DLGAP2: variants seen among roughly 807,000 people sequenced by gnomAD.
DLGAP2 encodes DLG associated protein 2.
Under a neutral mutation model 100.3 loss-of-function variants are expected in DLGAP2, and 26 were observed. The ratio of observed to expected loss-of-function variants is 0.26; its 90% CI spans 0.19 to 0.36. The LOEUF (loss-of-function observed/expected upper bound fraction) is 0.36. Among genes scored for constraint, DLGAP2 ranks in the 10% least tolerant of loss-of-function variants. DLGAP2 has a pLI of 1.00. For synonymous variants in DLGAP2, 886 were observed against 630.1 expected, an observed-to-expected ratio of 1.41 and a Z score of -6.08; for missense variants, 1,858 against 1,453.2, an observed-to-expected ratio of 1.28 and a Z score of -4.53.
chr8:1,567,529 G>A (rs377530466), intron 6 of DLGAP2, among the ~76,000 whole-genome samples: 9 of 152,256 alleles, frequency 5.9e-5, no homozygotes, highest in South Asian at 2.1e-4. Flanking sequence ...TAAGAATTAC[G>A]AACGGCGTTT....
intron 4 of DLGAP2, among the ~76,000 whole-genome samples, chr8:1,538,340 A>G (rs1262549873): frequency 1.3e-5 from 2 of 152,108 alleles, no homozygotes; most frequent in Admixed American, 6.5e-5. Context: ...CGTTCCCCCA[A>G]TTTCATTATG....
At chr8:751,733 C>T (rs920839007) in intron 1 of DLGAP2, among the ~76,000 whole-genome samples, 2 of 151,784 alleles carry the variant, frequency 1.3e-5, no homozygotes, top group Non-Finnish European at 2.9e-5. Context: ...ATAGTAAGTC[C>T]TTATAGGAAG....
intron 4 of DLGAP2, among the ~76,000 whole-genome samples, chr8:1,503,916 T>A (rs889254224): frequency 2.6e-5 from 4 of 152,124 alleles, no homozygotes; most frequent in African/African-American, 9.7e-5. Context: ...AGGGAGGAAC[T>A]GCTGTAGCCA....
chr8:1,454,540 G>A (rs1167561858), intron 3 of DLGAP2, among the ~76,000 whole-genome samples: 1 of 152,122 alleles, frequency 6.6e-6, no homozygotes, highest in Non-Finnish European at 1.5e-5. Flanking sequence ...GCTTCCTCCT[G>A]GGTGGGTTGA....
At chr8:1,672,021 G>T (rs778169321) in intron 10 of DLGAP2, among the ~76,000 whole-genome samples, 1 of 152,200 alleles carries the variant, frequency 6.6e-6, no homozygotes, top group East Asian at 1.9e-4. Flanking sequence ...TATCCTTTGC[G>T]GTTTGTCTCT....
intron 2 of DLGAP2, among the ~76,000 whole-genome samples, chr8:1,229,416 G>A (rs892998215): frequency 1.3e-5 from 2 of 151,998 alleles, no homozygotes; most frequent in Non-Finnish European, 2.9e-5. Flanking sequence ...ATAATGATCT[G>A]TTTAGGGTTT....
intron 2 of DLGAP2, among the ~76,000 whole-genome samples, chr8:1,198,757 C>T (rs1286831861): frequency 6.6e-6 from 1 of 152,218 alleles, no homozygotes; most frequent in Non-Finnish European, 1.5e-5. Flanking sequence ...TTGGCAAGAC[C>T]ACACCTGAAC....
At chr8:1,211,642 A>G (rs1228655312) in intron 2 of DLGAP2, among the ~76,000 whole-genome samples, 1 of 151,944 alleles carries the variant, frequency 6.6e-6, no homozygotes, top group East Asian at 1.9e-4. Context: ...TTGGGAGGCC[A>G]AGGTGGGTGG....
At chr8:1,266,650 C>G (rs1364279710) in intron 3 of DLGAP2, among the ~76,000 whole-genome samples, 3 of 152,172 alleles carry the variant, frequency 2.0e-5, no homozygotes, top group African/African-American at 2.4e-5. Flanking sequence ...TCACCACGCA[C>G]TGACGTACGC....
chr8:1,685,302 C>T (rs934886422), intron 12 of DLGAP2, among the ~76,000 whole-genome samples: 1 of 152,204 alleles, frequency 6.6e-6, no homozygotes, highest in Non-Finnish European at 1.5e-5. Context: ...ATGGTTGGCC[C>T]AGGTGGTATC....
chr8:870,459 CG>C (rs1253121672), intron 1 of DLGAP2, among the ~76,000 whole-genome samples: 2 of 152,134 alleles, frequency 1.3e-5, no homozygotes, highest in African/African-American at 2.4e-5. Context: ...CTTGGCACCC[CG>C]GCTTGAAAAC....
chr8:1,071,488 T>G (rs576520925), intron 2 of DLGAP2, among the ~76,000 whole-genome samples: 1 of 152,288 alleles, frequency 6.6e-6, no homozygotes, highest in Non-Finnish European at 1.5e-5. Flanking sequence ...GAACACTTGC[T>G]CCTGGGCGTC....
At chr8:1,115,380 T>G (rs1178545854) in intron 2 of DLGAP2, among the ~76,000 whole-genome samples, 3 of 152,254 alleles carry the variant, frequency 2.0e-5, no homozygotes, top group Non-Finnish European at 4.4e-5. Flanking sequence ...CTGTGTTGGA[T>G]GCATATATAT....
chr8:1,551,923 G>T (rs556489166), intron 5 of DLGAP2, among the ~76,000 whole-genome samples: 1 of 152,286 alleles, frequency 6.6e-6, no homozygotes, highest in Non-Finnish European at 1.5e-5. Flanking sequence ...GAAGGGGCCC[G>T]CCTGGCAGCT....
intron 2 of DLGAP2, among the ~76,000 whole-genome samples, chr8:1,185,088 G>T (rs562111893): frequency 1.3e-5 from 2 of 152,092 alleles, no homozygotes; most frequent in African/African-American, 4.8e-5. Flanking sequence ...TGCGTCTTGC[G>T]GCCTCTCTTG....
chr8:1,150,907 A>T (rs1045376037), intron 2 of DLGAP2, among the ~76,000 whole-genome samples: 1 of 152,228 alleles, frequency 6.6e-6, no homozygotes, highest in Non-Finnish European at 1.5e-5. Flanking sequence ...CATGAAAAAT[A>T]TATGGAGTAT....
chr8:1,187,943 C>T (rs1298633608), intron 2 of DLGAP2, among the ~76,000 whole-genome samples: 2 of 125,298 alleles, frequency 1.6e-5, no homozygotes, highest in African/African-American at 9.1e-5. Context: ...ACGCCCGGGA[C>T]TTCCGTGACG....
At chr8:899,254 A>G (rs11774254) in intron 1 of DLGAP2, among the ~76,000 whole-genome samples, 32,751 of 152,170 alleles carry the variant, frequency 0.22, 3,946 homozygotes, top group Admixed American at 0.4. Context: ...GTTTTGCCTG[A>G]ACACGGAAGG....
intron 2 of DLGAP2, among the ~76,000 whole-genome samples, chr8:1,253,386 G>A (rs780666471): frequency 9.9e-5 from 15 of 152,226 alleles, no homozygotes; most frequent in Non-Finnish European, 2.1e-4. Flanking sequence ...GAGGGAGGGC[G>A]GGTGCTGCGG....
Sources: gnomAD v4.1 joint callset for allele counts (sites outside exome capture counted in the v4.1 genomes callset) on GRCh38, gnomAD v4.1.1 for gene constraint, MANE v1.5 for transcripts, NCBI Gene and HGNC (gene_info 2026-07-23, HGNC 2026-07-21) for gene names.